Variants in TBC1D1 observed in about 807,000 individuals in gnomAD.
TBC1D1 encodes the protein TBC1 (tre-2/USP6, BUB2, cdc16) domain family, member 1.
A neutral mutation model predicts 125.6 loss-of-function variants in TBC1D1; 89 were observed. That is an observed-to-expected ratio of 0.71 (90% CI 0.60 to 0.85). The LOEUF (loss-of-function observed/expected upper bound fraction) is 0.85, where lower values mean the gene tolerates loss of function less well. Among genes scored for constraint, TBC1D1 ranks in the 40% least tolerant of loss-of-function variants. TBC1D1 has a pLI of 0.00. For missense variants in TBC1D1, 1,377 were observed against 1,469.2 expected, an observed-to-expected ratio of 0.94 and a Z score of 1.03; for synonymous variants, 565 against 564.1, an observed-to-expected ratio of 1.00 and a Z score of -0.02.
chr4:37,903,243 C>T (rs1423568618), intron 2 of TBC1D1, among the ~76,000 whole-genome samples: 1 of 152,182 alleles, frequency 6.6e-6, no homozygotes, highest in Non-Finnish European at 1.5e-5. Context: ...AAGTTCTGCT[C>T]TTTCCTCGTT....
intron 12 of TBC1D1, among the ~76,000 whole-genome samples, chr4:38,081,391 C>G (rs919945153): frequency 8.5e-5 from 13 of 152,220 alleles, no homozygotes; most frequent in African/African-American, 3.1e-4. Flanking sequence ...CCCCACCCCT[C>G]TCCCACCCTA....
intron 2 of TBC1D1, among the ~76,000 whole-genome samples, chr4:37,998,713 A>T (rs896735882): frequency 1.2e-4 from 19 of 152,190 alleles, no homozygotes; most frequent in Non-Finnish European, 2.2e-4. Context: ...TAAAACGGGA[A>T]TGAGGGTGTC....
chr4:37,996,552 G>T (rs944285599), intron 2 of TBC1D1, among the ~76,000 whole-genome samples: 2 of 152,230 alleles, frequency 1.3e-5, no homozygotes, highest in African/African-American at 4.8e-5. Context: ...CCGCTGATCA[G>T]AATGAAGATC....
chr4:38,132,051 G>A (rs1765670326), intron 18 of TBC1D1, among the ~76,000 whole-genome samples: 2 of 152,226 alleles, frequency 1.3e-5, no homozygotes, highest in South Asian at 2.1e-4. Context: ...TGCCAGTAGG[G>A]AGCCATCAGA....
intron 12 of TBC1D1, among the ~76,000 whole-genome samples, chr4:38,072,780 C>G (rs576093325): frequency 6.6e-6 from 1 of 152,304 alleles, no homozygotes; most frequent in South Asian, 2.1e-4. Flanking sequence ...TATTCCCCCT[C>G]TCCCAGCCCC....
At chr4:37,903,894 A>G (rs569310470) in intron 2 of TBC1D1, among the ~76,000 whole-genome samples, 1 of 152,334 alleles carries the variant, frequency 6.6e-6, no homozygotes, top group South Asian at 2.1e-4. Context: ...AATAAAGGCT[A>G]ATATGGAGCT....
rs112702573 is a variant in TBC1D1 at position 38,055,263 on chromosome 4, T to C, written c.2050+925T>C. ...AGGGCCCTCTCCTGCCGTCCTCATG[T>C]CTGACGAGCTACCCGCTGTAACCAA... On this transcript the variant is annotated intron_variant, in intron 12 of 19. Transcript: ENST00000261439. 9.0e-3 allele frequency among the ~76,000 whole-genome samples: 1,365 copies of C among 152,268 alleles called. 22 individuals are homozygous for C. Among genetic ancestry groups the C allele is most frequent in the African/African-American group, 0.031 (1,299 of 41,548 alleles).
intron 4 of TBC1D1, 141 bp downstream of exon 4, chr4:38,018,584 T>C (rs200344984): frequency 5.5e-6 from 3 of 540,906 alleles, no homozygotes; most frequent in African/African-American, 4.0e-5. Flanking sequence ...TCGCTTTTCT[T>C]CTTTGCTTTG....
In TBC1D1 at chr4:37,977,645, G is replaced by T; in HGVS notation, c.418-36864G>T. Reference sequence around the variant, plus strand: ...GGCCGCTGGAGGCCAGGCGCGGCGGGGGGCGAGCGGCGGGCGCGACCAGGT... The same window carrying T: ...GGCCGCTGGAGGCCAGGCGCGGCGGTGGGCGAGCGGCGGGCGCGACCAGGT... On this transcript the variant is annotated intron_variant, in intron 2 of 19. Transcript: ENST00000261439. This position sits in a 1 kb window ranked among gnomAD's most constrained non-coding sequence, Gnocchi z 4.3. 1 of 206,504 alleles carries T rather than the reference G, an allele frequency of 4.8e-6. No individual in the cohort carries two copies. Among genetic ancestry groups the T allele is most frequent in the South Asian group, 1.5e-4 (1 of 6,620 alleles). The allele number at this position is 206,504 out of a possible 1,614,324, so 12.8% of individuals were successfully genotyped here.
rs1742351469 is a variant in TBC1D1 at position 38,014,886 on chromosome 4, G to A, written c.795G>A (p.Glu265=). The A allele has an allele frequency of 1.9e-6, 3 of 1,606,744 alleles. No homozygotes were observed. Among genetic ancestry groups the A allele is most frequent in the Non-Finnish European group, 2.6e-6 (3 of 1,174,514 alleles). The change falls in exon 3 of 20, where the codon GAG becomes GAA. Residue 265 remains glutamate (E), a synonymous_variant. Transcript: ENST00000261439. The surrounding 1 kb of genome is among the most constrained non-coding windows in gnomAD (Gnocchi z 5.1). ...GCAGCGGCTTCTTCAGCTCCTTCGA[G>A]GAGAGCGACATTGAGAACCACCTCA...
intron 2 of TBC1D1, among the ~76,000 whole-genome samples, chr4:38,006,474 A>AT (rs71190940): frequency 0.64 from 65,323 of 101,578 alleles, 21,957 homozygotes; most frequent in East Asian, 0.86. Flanking sequence ...GACCAACACT[A>AT]TTTTTTTTTT....
chr4:37,980,842 A>G (rs1447581512), intron 2 of TBC1D1, among the ~76,000 whole-genome samples: 1 of 152,204 alleles, frequency 6.6e-6, no homozygotes, highest in Non-Finnish European at 1.5e-5. Context: ...AGCAGTGTTT[A>G]TGTCCTGGAG....
intron 14 of TBC1D1, among the ~76,000 whole-genome samples, chr4:38,099,230 C>G (rs912135807): frequency 6.6e-6 from 1 of 152,120 alleles, no homozygotes; most frequent in African/African-American, 2.4e-5. Context: ...AACAAAAAAC[C>G]CAACATGTGA....
chr4:37,912,266 G>T (rs1281919298), intron 2 of TBC1D1, among the ~76,000 whole-genome samples: 5 of 152,194 alleles, frequency 3.3e-5, no homozygotes, highest in African/African-American at 4.8e-5. Flanking sequence ...TATTTTCCAT[G>T]GGACATTCGA....
intron 14 of TBC1D1, among the ~76,000 whole-genome samples, chr4:38,096,470 C>A (rs1353825074): frequency 6.6e-6 from 1 of 152,236 alleles, no homozygotes. Flanking sequence ...GACAGGTGGT[C>A]TTGGGCTTAA....
At chr4:37,996,174 C>T (rs984746286) in intron 2 of TBC1D1, 1 of 370,248 alleles carries the variant, frequency 2.7e-6, no homozygotes, top group Non-Finnish European at 5.6e-6. Context: ...TGTGGGCCTC[C>T]CTGCTCAGGC....
chr4:37,913,400 A>G (rs1719017787), intron 2 of TBC1D1, among the ~76,000 whole-genome samples: 1 of 152,092 alleles, frequency 6.6e-6, no homozygotes, highest in Admixed American at 6.6e-5. Context: ...GGAGTTCAAG[A>G]CAAGTCTGAC....
At chr4:37,900,033 A>G (rs113010322) in intron 1 of TBC1D1, among the ~76,000 whole-genome samples, 1 of 151,842 alleles carries the variant, frequency 6.6e-6, no homozygotes, top group African/African-American at 2.4e-5. Flanking sequence ...ACGCGGGAGA[A>G]TGGCGCGAAC....
intron 2 of TBC1D1, among the ~76,000 whole-genome samples, chr4:37,996,946 GT>G (rs1737935199): frequency 6.6e-6 from 1 of 152,240 alleles, no homozygotes; most frequent in Non-Finnish European, 1.5e-5. Flanking sequence ...GAGAACAGGG[GT>G]TTGGCTTTTT....
Sources: allele counts gnomAD v4.1 joint callset (sites outside exome capture counted in the v4.1 genomes callset), GRCh38; gene constraint gnomAD v4.1.1; non-coding constraint Gnocchi (gnomAD v3.1); transcripts MANE v1.5; gene names NCBI Gene and HGNC (gene_info 2026-07-23, HGNC 2026-07-21).